CD163L1: variants seen among roughly 807,000 people sequenced by gnomAD.
CD163L1 encodes CD163 molecule like 1, also known as scavenger receptor cysteine-rich type 1 protein M160.
Under a neutral mutation model 165.4 loss-of-function variants are expected in CD163L1, and 124 were observed. That is an observed-to-expected ratio of 0.75 (90% confidence interval 0.65 to 0.87). The LOEUF is 0.87. CD163L1 is among the 40% of genes least tolerant of loss of function. The pLI is 0.00. For missense variants in CD163L1, 1,525 were observed against 1,799.9 expected (o/e 0.85, Z 2.76); for synonymous variants, 585 against 662.2 (o/e 0.88, Z 1.79).
intron 2 of CD163L1, chr12:7,439,364 T>C: frequency 6.2e-7 from 1 of 1,601,192 alleles, no homozygotes. Context: ...ACTCCTTTAG[T>C]TCTTCTTTGG....
At chr12:7,339,798 G>A in the CD163L1 span, among the ~76,000 whole-genome samples, 2 of 152,114 alleles carry the variant, frequency 1.3e-5, no homozygotes, top group African/African-American at 2.4e-5. Context: ...TGCCTCTTAT[G>A]TGACTCAGTG....
Position 7,421,456 on chromosome 12 carries a change from C to T in CD163L1, c.766+10960G>A, listed in dbSNP as rs1381885985. Among the ~76,000 whole-genome samples the T allele has an allele frequency of 4.0e-4, 40 of 100,242 alleles. 3 individuals carry two copies. The highest frequency in any genetic ancestry group is 3.9e-4 in the Non-Finnish European group (21 of 53,814). 65.8% of individuals were successfully genotyped at this position (100,242 alleles called of 152,430 possible). ...ACATATATACATATACATATATGTA[C>T]ATATATACATATATATACATATATG... On this transcript the variant is annotated intron_variant, in intron 4 of 19. Transcript: ENST00000313599.
chr12:7,354,027 C>G (rs1037361383), downstream of CD163L1, among the ~76,000 whole-genome samples: 9 of 152,108 alleles, frequency 5.9e-5, no homozygotes, highest in East Asian at 5.8e-4. Context: ...TGAGAAGAAG[C>G]CTTCAAAACA....
At chr12:7,343,889 A>G (rs997807247), downstream of CD163L1, among the ~76,000 whole-genome samples, 1 of 152,220 alleles carries the variant, frequency 6.6e-6, no homozygotes, top group Non-Finnish European at 1.5e-5. Flanking sequence ...GTCCAACTTC[A>G]AAGTCTCATC....
intron 4 of CD163L1, among the ~76,000 whole-genome samples, chr12:7,413,047 G>A (rs1343506384): frequency 8.0e-6 from 1 of 124,910 alleles, no homozygotes; most frequent in Non-Finnish European, 1.6e-5. Flanking sequence ...AGTGAGCCGA[G>A]ATCATGCCAC....
At chr12:7,340,447 A>C in the CD163L1 span, among the ~76,000 whole-genome samples, 1 of 152,204 alleles carries the variant, frequency 6.6e-6, no homozygotes, top group Admixed American at 6.5e-5. Context: ...AGAATATATA[A>C]TTTATAGTGA....
In CD163L1 at chr12:7,432,141, G is replaced by C. The variant is rs1948640229; in HGVS notation, c.766+275C>G. ...ATGATATTGTGTCAAGAAGTTATTT[G>C]AAAAAGGTTTTTAGAAAAAAGATTT... On this transcript the variant is annotated intron_variant, in intron 4 of 19. Coordinates refer to ENST00000313599, the MANE Select transcript of CD163L1 (RefSeq NM_174941.6). The surrounding 1 kb of genome is among the most constrained non-coding windows in gnomAD (Gnocchi z 4.2). Among the ~76,000 whole-genome samples, 1 of 152,072 alleles carries C rather than the reference G, an allele frequency of 6.6e-6. No individual in the cohort carries two copies. Among genetic ancestry groups the C allele is most frequent in the Admixed American group, 6.5e-5 (1 of 15,286 alleles).
chr12:7,389,903 C>T (rs1435254728), intron 8 of CD163L1, among the ~76,000 whole-genome samples: 1 of 148,348 alleles, frequency 6.7e-6, no homozygotes, highest in African/African-American at 2.5e-5. Flanking sequence ...GATATGAAAT[C>T]AACCTAAGTG....
intron 2 of CD163L1, among the ~76,000 whole-genome samples, chr12:7,437,351 T>C (rs939891972): frequency 8.0e-5 from 8 of 100,474 alleles, no homozygotes; most frequent in Non-Finnish European, 1.3e-4. Context: ...TATACTTTTA[T>C]ATTTATTAAG....
At chr12:7,394,773 AG>A (rs1167467138) in intron 8 of CD163L1, among the ~76,000 whole-genome samples, 21 of 152,242 alleles carry the variant, frequency 1.4e-4, no homozygotes, top group Non-Finnish European at 2.9e-4. Flanking sequence ...CCCATCAAAA[AG>A]TAGGCAAAGG....
In CD163L1 at chr12:7,373,907, C is replaced by G. The variant is rs773337603; in HGVS notation, c.3410-267G>C. 9.2e-5 allele frequency among the ~76,000 whole-genome samples: 14 copies of G among 152,174 alleles called. No homozygotes were observed. The South Asian group carries it at 2.7e-3, about 29-fold the overall frequency. ...AATGCAACCTTCTACATTCTACTCT[C>G]GAACATAAATTCAATTCAGAAAATA... On this transcript the variant is annotated intron_variant, in intron 13 of 19. Transcript: ENST00000313599.
intron 4 of CD163L1, among the ~76,000 whole-genome samples, chr12:7,411,965 T>C (rs745635660): frequency 2.0e-5 from 3 of 152,358 alleles, no homozygotes; most frequent in Admixed American, 1.3e-4. Flanking sequence ...ATCCTGGACA[T>C]TGACATTTCC....
rs571535060 is a variant in CD163L1, at chr12:7,375,019, A to G, written c.3002-96T>C. 299 of 1,184,960 alleles carry G rather than the reference A, an allele frequency of 2.5e-4. 3 individuals are homozygous for G. Among genetic ancestry groups the G allele is most frequent in the South Asian group, 2.1e-3 (162 of 78,584 alleles). 73.4% of individuals were successfully genotyped at this position (1,184,960 alleles called of 1,614,324 possible). ...ACAACATGGAATCTGCAATTGTGAT[A>G]AGGACTTTTCAAACCCTGTCGTCTA... On this transcript the variant is annotated intron_variant, in intron 11 of 19. Transcript: ENST00000313599.
At chr12:7,363,586 G>C (rs1946951416) in intron 18 of CD163L1, among the ~76,000 whole-genome samples, 1 of 151,564 alleles carries the variant, frequency 6.6e-6, no homozygotes, top group South Asian at 2.1e-4. Flanking sequence ...GAAATGAAAA[G>C]GTAGACATAA....
chr12:7,406,517 G>A lies in CD163L1; in HGVS notation c.1087+15C>T, dbSNP rs1265491636. 6.2e-7 allele frequency: 1 copy of A among 1,604,238 alleles called. No homozygotes were observed. Among genetic ancestry groups the A allele is most frequent in the Non-Finnish European group, 8.5e-7 (1 of 1,177,544 alleles). On this transcript the variant is annotated intron_variant, in intron 5 of 19. Coordinates refer to ENST00000313599, the MANE Select transcript of CD163L1 (RefSeq NM_174941.6). ...GAAATTTTATCTGATGTAATCATGT[G>A]GATGTAAGTCTTACCTGAGCAGATC...
chr12:7,402,494 C>T (rs1227202753), intron 6 of CD163L1, among the ~76,000 whole-genome samples: 3 of 152,078 alleles, frequency 2.0e-5, no homozygotes, highest in Non-Finnish European at 2.9e-5. Context: ...ATGTAAACAG[C>T]ATCGTTGGAA....
At chr12:7,343,927 C>T (rs1946652866), downstream of CD163L1, among the ~76,000 whole-genome samples, 1 of 152,108 alleles carries the variant, frequency 6.6e-6, no homozygotes, top group African/African-American at 2.4e-5. Flanking sequence ...TACATATGAA[C>T]CTATGAAATC....
intron 4 of CD163L1, among the ~76,000 whole-genome samples, chr12:7,430,233 G>A (rs760369898): frequency 1.1e-4 from 16 of 152,076 alleles, no homozygotes; most frequent in African/African-American, 1.7e-4. Context: ...AGAAAAAATA[G>A]AAGAAATTAG....
At chr12:7,429,856 C>T (rs908947109) in intron 4 of CD163L1, among the ~76,000 whole-genome samples, 1 of 152,110 alleles carries the variant, frequency 6.6e-6, no homozygotes, top group African/African-American at 2.4e-5. Context: ...TAATTATCTG[C>T]ATAAAACCCT....
Sources: gnomAD v4.1 joint callset for allele counts (sites outside exome capture counted in the v4.1 genomes callset) on GRCh38, gnomAD v4.1.1 for gene constraint, Gnocchi (gnomAD v3.1) non-coding constraint, MANE v1.5 for transcripts, NCBI Gene and HGNC (gene_info 2026-07-23, HGNC 2026-07-21) for gene names.